Variants in WWP2 observed in about 807,000 individuals in gnomAD.
WWP2 encodes WW domain containing E3 ubiquitin protein ligase 2.
In WWP2, 57 loss-of-function variants were observed where a neutral mutation model predicts 121.0. The ratio of observed to expected loss-of-function variants is 0.47; its 90% CI spans 0.38 to 0.59. The LOEUF is 0.59. Ranked by LOEUF, WWP2 falls within the 20% of genes least tolerant of loss-of-function variation. The pLI is 0.00. For synonymous variants in WWP2, 449 were observed against 441.3 expected (o/e 1.02, Z -0.22); for missense variants, 962 against 1,158.9 (o/e 0.83, Z 2.47).
chr16:69,824,654 C>CT (rs2151849306), intron 4 of WWP2, among the ~76,000 whole-genome samples: 1 of 151,932 alleles, frequency 6.6e-6, no homozygotes, highest in South Asian at 2.1e-4. Flanking sequence ...TCCCCAAACC[C>CT]TCTTGAGTGG....
rs112229757 is a variant in WWP2 at position 69,883,953 on chromosome 16, C to T, written c.704-4086C>T. On this transcript the variant is annotated intron_variant, in intron 7 of 23. Coordinates refer to ENST00000359154, the MANE Select transcript of WWP2 (RefSeq NM_001270454.2). ...TTGTTCTTTTCGTGGTCAGCTATTTCGTAATAATTATTTTTAATAGTTATA... is the reference window on the plus strand; with the variant it reads ...TTGTTCTTTTCGTGGTCAGCTATTTTGTAATAATTATTTTTAATAGTTATA... Among the ~76,000 whole-genome samples, 466 of 152,130 alleles carry T rather than the reference C, an allele frequency of 3.1e-3. 8 individuals are homozygous for T. Among genetic ancestry groups the T allele is most frequent in the African/African-American group, 0.01 (425 of 41,480 alleles).
rs115884648 is a variant in WWP2 at position 69,911,382 on chromosome 16, G to A, written c.1004+2532G>A. 7.7e-3 allele frequency among the ~76,000 whole-genome samples: 1,168 copies of A among 152,342 alleles called. 17 individuals are homozygous for A. The highest frequency in any genetic ancestry group is 0.026 in the African/African-American group (1,100 of 41,582). ...AAGAGGATTGAGGAGGCCTCACAGA[G>A]GGAAGTGGCTCCAACTCTTGCAAGA... On this transcript the variant is annotated intron_variant, in intron 9 of 23. Transcript: ENST00000359154.
intron 4 of WWP2, among the ~76,000 whole-genome samples, chr16:69,830,167 T>G (rs2056769327): frequency 6.6e-6 from 1 of 152,076 alleles, no homozygotes; most frequent in South Asian, 2.1e-4. Context: ...ATTGCCTAGG[T>G]GGGTCTTGAA....
chr16:69,926,730 C>T (rs1396037644), intron 11 of WWP2, among the ~76,000 whole-genome samples: 11 of 152,152 alleles, frequency 7.2e-5, no homozygotes, highest in Non-Finnish European at 1.3e-4. Flanking sequence ...ATAGCTGCCC[C>T]ACATGGCTCC....
At chr16:69,909,160 C>T (rs1382737500) in intron 9 of WWP2, 31 of 1,048,398 alleles carry the variant, frequency 3.0e-5, no homozygotes, top group African/African-American at 3.4e-5. Flanking sequence ...GGCAGGGCTT[C>T]GTGAGAATGC....
At chr16:69,779,252 C>T (rs772641079) in intron 1 of WWP2, among the ~76,000 whole-genome samples, 11 of 152,128 alleles carry the variant, frequency 7.2e-5, no homozygotes, top group Non-Finnish European at 1.3e-4. Context: ...TGCGTGGCCC[C>T]GGCCGGTTAT....
chr16:69,773,764 G>T (rs2055467622), intron 1 of WWP2, among the ~76,000 whole-genome samples: 1 of 152,196 alleles, frequency 6.6e-6, no homozygotes, highest in Non-Finnish European at 1.5e-5. Flanking sequence ...TTACAGGCAT[G>T]AGCCACTACA....
intron 11 of WWP2, among the ~76,000 whole-genome samples, chr16:69,926,447 G>T (rs1158202603): frequency 6.6e-6 from 1 of 152,192 alleles, no homozygotes; most frequent in Admixed American, 6.5e-5. Context: ...AGATGGAGAG[G>T]TGCATCCTGG....
At chr16:69,875,486 C>T (rs1247151806) in intron 7 of WWP2, among the ~76,000 whole-genome samples, 1 of 152,212 alleles carries the variant, frequency 6.6e-6, no homozygotes, top group Admixed American at 6.5e-5. Flanking sequence ...CTGTAGCATG[C>T]GACGCTGTTT....
chr16:69,932,768 G>A (rs914789405), intron 16 of WWP2, among the ~76,000 whole-genome samples: 35 of 152,190 alleles, frequency 2.3e-4, no homozygotes, highest in African/African-American at 8.2e-4. Flanking sequence ...AGAGTCCAAA[G>A]CATTGTCTTG....
At chr16:69,786,431 G>A (rs560613341) in intron 1 of WWP2, among the ~76,000 whole-genome samples, 67 of 139,734 alleles carry the variant, frequency 4.8e-4, no homozygotes, top group African/African-American at 1.5e-3. Flanking sequence ...GAGCCACTGC[G>A]CCCAGCCAAT....
At chr16:69,841,862 T>C (rs1173691600) in intron 5 of WWP2, among the ~76,000 whole-genome samples, 162 bp from the exon 6 acceptor site, 1 of 152,206 alleles carries the variant, frequency 6.6e-6, no homozygotes, top group Non-Finnish European at 1.5e-5. Context: ...TGATCGTCCC[T>C]GTTCCTCTTC....
chr16:69,798,731 C>CT lies in WWP2; in HGVS notation c.121dup (p.Tyr41LeufsTer12), dbSNP rs1228768646. ...ATAATCGTCAACCTCGAATTAACTC[C>CT]TACGTGGAGGTGGCGGTGGATGGAC... On this transcript the variant is annotated frameshift_variant, in exon 3 of 24. Coordinates refer to ENST00000359154, the MANE Select transcript of WWP2 (RefSeq NM_001270454.2). LOFTEE classifies it high-confidence loss of function. The CT allele has an allele frequency of 6.2e-7, 1 of 1,614,092 alleles. No homozygotes were observed. The highest frequency in any genetic ancestry group is 2.2e-5 in the East Asian group (1 of 44,884).
chr16:69,770,794 G>C (rs2055397089), intron 1 of WWP2, among the ~76,000 whole-genome samples: 1 of 151,970 alleles, frequency 6.6e-6, no homozygotes, highest in Admixed American at 6.6e-5. Context: ...CTGCAGAATT[G>C]ATTGCTTACT....
chr16:69,766,325 C>G (rs562327939), intron 1 of WWP2, among the ~76,000 whole-genome samples: 1 of 152,326 alleles, frequency 6.6e-6, no homozygotes, highest in Admixed American at 6.5e-5. Flanking sequence ...GCAACAGCCT[C>G]CTAACTTGTC....
chr16:69,880,015 C>T (rs1314205063), intron 7 of WWP2, among the ~76,000 whole-genome samples: 1 of 151,376 alleles, frequency 6.6e-6, no homozygotes. Context: ...TTTATGGCCA[C>T]ATTGGTTCTG....
intron 6 of WWP2, among the ~76,000 whole-genome samples, chr16:69,862,225 C>T (rs2057434925): frequency 6.6e-6 from 1 of 152,142 alleles, no homozygotes; most frequent in South Asian, 2.1e-4. Context: ...GCCACCATGC[C>T]CGGCTAATTT....
chr16:69,906,692 C>G (rs985387794), intron 8 of WWP2, among the ~76,000 whole-genome samples: 1 of 152,074 alleles, frequency 6.6e-6, no homozygotes, highest in Admixed American at 6.6e-5. Flanking sequence ...CGAGACCAGC[C>G]TGGGCAAAGC....
intron 4 of WWP2, among the ~76,000 whole-genome samples, chr16:69,824,767 C>CTTTTT (rs34154307): frequency 1.2e-5 from 1 of 82,786 alleles, no homozygotes; most frequent in African/African-American, 5.3e-5. Context: ...GCACCTGTGG[C>CTTTTT]TTTTTTTTTT....
Sources: allele counts gnomAD v4.1 joint callset (sites outside exome capture counted in the v4.1 genomes callset), GRCh38; gene constraint gnomAD v4.1.1; transcripts MANE v1.5; gene names NCBI Gene and HGNC (gene_info 2026-07-23, HGNC 2026-07-21).